The following VPS13B variants were observed in gnomAD, a reference collection of about 807,000 sequenced individuals.
The protein encoded by VPS13B is intermembrane lipid transfer protein VPS13B.
VPS13B carries 285 observed loss-of-function variants against 426.4 expected under a neutral mutation model. The observed-to-expected ratio is 0.67, with a 90% CI of 0.61 to 0.74. VPS13B has a LOEUF of 0.74. VPS13B is among the 30% of genes least tolerant of loss of function. The pLI, the probability that VPS13B is intolerant of heterozygous loss-of-function variation, is 0.00. For synonymous variants in VPS13B, 1,676 were observed against 1,676.4 expected (o/e 1.00, Z 0.01); for missense variants, 4,537 against 4,782.6 (o/e 0.95, Z 1.51).
At chr8:99,232,015 C>A (rs1430760298) in intron 17 of VPS13B, among the ~76,000 whole-genome samples, 1 of 152,134 alleles carries the variant, frequency 6.6e-6, no homozygotes, top group Non-Finnish European at 1.5e-5. Context: ...GACTCTTGTT[C>A]TTTTGAGTAA....
intron 36 of VPS13B, among the ~76,000 whole-genome samples, chr8:99,715,974 T>G (rs2130307796): frequency 6.6e-6 from 1 of 152,272 alleles, no homozygotes; most frequent in African/African-American, 2.4e-5. Context: ...TTCTTTTATT[T>G]TCTGGAGTGC....
At chr8:99,016,587 T>A in intron 2 of VPS13B, among the ~76,000 whole-genome samples, 2 of 94,218 alleles carry the variant, frequency 2.1e-5, no homozygotes, top group Admixed American at 1.5e-4. Context: ...ATAGGAATTC[T>A]TTTTTTTTTT....
At chr8:99,777,659 A>G (rs1811811063) in intron 41 of VPS13B, among the ~76,000 whole-genome samples, 1 of 152,174 alleles carries the variant, frequency 6.6e-6, no homozygotes, top group Non-Finnish European at 1.5e-5. Flanking sequence ...GATTCCAAAA[A>G]TACTTGGTAT....
At chr8:99,134,545 C>A in intron 8 of VPS13B, 87 bp from the exon 9 acceptor site, 1 of 1,109,112 alleles carries the variant, frequency 9.0e-7, no homozygotes, top group African/African-American at 1.6e-5. Context: ...TAAAATTGGC[C>A]TTGTTTTAAT....
rs1164479849 is a variant in VPS13B, at chr8:99,094,684, T to C, written c.292-1628T>C. Among the ~76,000 whole-genome samples, 5 of 152,212 alleles carry C rather than the reference T, an allele frequency of 3.3e-5. No individual in the cohort carries two copies. In the East Asian group the frequency reaches 9.6e-4, roughly 29 times the overall value. Reference sequence around the variant, plus strand: ...TTAGTGTGATAGTGAATAAAAGTTTTCTTAAAGAGGTCTTATTGTCGTTCT... The same window carrying C: ...TTAGTGTGATAGTGAATAAAAGTTTCCTTAAAGAGGTCTTATTGTCGTTCT... On this transcript the variant is annotated intron_variant, in intron 3 of 61. Transcript: ENST00000357162.
At chr8:99,628,228 A>G (rs1403809721) in intron 33 of VPS13B, among the ~76,000 whole-genome samples, 1 of 152,240 alleles carries the variant, frequency 6.6e-6, no homozygotes, top group Non-Finnish European at 1.5e-5. Context: ...GCAGTGCTCT[A>G]TCTCCAAGCC....
chr8:99,227,256 TAA>T lies in VPS13B; in HGVS notation c.2515+34202_2515+34203del, dbSNP rs1259770444. Among the ~76,000 whole-genome samples the T allele has an allele frequency of 2.0e-5, 3 of 152,336 alleles. No individual in the cohort carries two copies. In the East Asian group the frequency reaches 5.8e-4, roughly 29 times the overall value. On this transcript the variant is annotated intron_variant, in intron 17 of 61. Transcript: ENST00000357162. Reference sequence around the variant, plus strand: ...TACAAGGCACTGGGAACACATATAGTAAAAGTCTTCCCCTCCCTGTTTCTTTC... The same window carrying T: ...TACAAGGCACTGGGAACACATATAGTAAGTCTTCCCCTCCCTGTTTCTTTC...
chr8:99,821,284 A>G lies in VPS13B; in HGVS notation c.8995-10A>G. 1 of 1,613,250 alleles carries G rather than the reference A, an allele frequency of 6.2e-7. No homozygotes were observed. The highest frequency in any genetic ancestry group is 1.3e-5 in the African/African-American group (1 of 74,978). ...AAAATTACTTTATAATTGAGGCATTATTTTTCCAGGAAGCTTTTCAAATTG... is the reference window on the plus strand; with the variant it reads ...AAAATTACTTTATAATTGAGGCATTGTTTTTCCAGGAAGCTTTTCAAATTG... On this transcript the variant is annotated splice_polypyrimidine_tract_variant and intron_variant, in intron 49 of 61. Transcript: ENST00000357162.
At chr8:99,513,877 T>C (rs911260994) in intron 29 of VPS13B, among the ~76,000 whole-genome samples, 8 of 152,206 alleles carry the variant, frequency 5.3e-5, no homozygotes, top group African/African-American at 1.7e-4. Flanking sequence ...TATACACTGG[T>C]AAATCTTTCT....
rs6985183 is a variant in VPS13B at position 99,142,250 on chromosome 8, C to T, written c.1652-724C>T. On this transcript the variant is annotated intron_variant, in intron 12 of 61. Coordinates refer to ENST00000357162, the MANE Select transcript of VPS13B (RefSeq NM_152564.5). Reference sequence around the variant, plus strand: ...TAAGGTTATTAAATCCTGGAAAATTCTTTCTTCTTTTTGTCTGAATAAACA... The same window carrying T: ...TAAGGTTATTAAATCCTGGAAAATTTTTTCTTCTTTTTGTCTGAATAAACA... Among the ~76,000 whole-genome samples, 1,362 of 152,118 alleles carry T rather than the reference C, an allele frequency of 9.0e-3. 28 individuals are homozygous for T. Among genetic ancestry groups the T allele is most frequent in the African/African-American group, 0.032 (1,315 of 41,514 alleles).
intron 33 of VPS13B, among the ~76,000 whole-genome samples, chr8:99,586,881 G>C (rs1826328475): frequency 6.6e-6 from 1 of 152,072 alleles, no homozygotes; most frequent in Admixed American, 6.6e-5. Flanking sequence ...ACAACATGCA[G>C]GTTTCTTACA....
At chr8:99,187,007 TA>T (rs920650874) in intron 16 of VPS13B, among the ~76,000 whole-genome samples, 64 of 152,056 alleles carry the variant, frequency 4.2e-4, no homozygotes, top group African/African-American at 1.3e-3. Flanking sequence ...GACCTGCTTG[TA>T]AAAAAAATGA....
rs189095749 is a variant in VPS13B at position 99,513,728 on chromosome 8, C to T, written c.4633+2216C>T. 3.7e-3 allele frequency among the ~76,000 whole-genome samples: 567 copies of T among 152,252 alleles called. 3 individuals are homozygous for T. The highest frequency in any genetic ancestry group is 6.3e-3 in the Non-Finnish European group (425 of 67,998). ...AGTAACAAATTTAAATTTTAGAAGA[C>T]GAACCAAATGTGTATGATTCATTGC... On this transcript the variant is annotated intron_variant, in intron 29 of 61. Transcript: ENST00000357162.
intron 16 of VPS13B, among the ~76,000 whole-genome samples, chr8:99,176,293 C>T (rs1208529503): frequency 6.6e-6 from 1 of 152,112 alleles, no homozygotes; most frequent in Non-Finnish European, 1.5e-5. Context: ...TGTGCCACCA[C>T]ACCCAGCTAA....
chr8:99,329,456 A>G (rs1315848389), intron 19 of VPS13B, among the ~76,000 whole-genome samples: 1 of 152,128 alleles, frequency 6.6e-6, no homozygotes, highest in Non-Finnish European at 1.5e-5. Context: ...GGGAATGCAG[A>G]TCATAATTTT....
intron 17 of VPS13B, among the ~76,000 whole-genome samples, chr8:99,225,366 G>A (rs1288646039): frequency 6.6e-6 from 1 of 151,682 alleles, no homozygotes; most frequent in African/African-American, 2.4e-5. Flanking sequence ...TGCAAGGTTC[G>A]CCTCCCGGGT....
intron 54 of VPS13B, among the ~76,000 whole-genome samples, chr8:99,841,099 T>G (rs998702085): frequency 1.3e-5 from 2 of 152,214 alleles, no homozygotes; most frequent in Non-Finnish European, 2.9e-5. Context: ...TAAGATGTTT[T>G]TCAAGAAGTA....
In VPS13B at chr8:99,338,214, G is replaced by T. The variant is rs566712530; in HGVS notation, c.2825-45994G>T. Among the ~76,000 whole-genome samples the T allele has an allele frequency of 7.2e-5, 11 of 151,924 alleles. No homozygotes were observed. The South Asian group carries it at 1.7e-3, about 23-fold the overall frequency. ...TCTTTCTATATTTTATTATCAACTG[G>T]TCAGTTTCTATTAAAAACACCTGTT... On this transcript the variant is annotated intron_variant, in intron 19 of 61. Coordinates refer to ENST00000357162, the MANE Select transcript of VPS13B (RefSeq NM_152564.5).
At chr8:99,657,311 G>A (rs1322162906) in intron 34 of VPS13B, among the ~76,000 whole-genome samples, 1 of 152,116 alleles carries the variant, frequency 6.6e-6, no homozygotes, top group South Asian at 2.1e-4. Flanking sequence ...ACCTTGAGAG[G>A]AGGGCATCAA....
Sources: gnomAD v4.1 joint callset for allele counts (sites outside exome capture counted in the v4.1 genomes callset) on GRCh38, gnomAD v4.1.1 for gene constraint, MANE v1.5 for transcripts, NCBI Gene and HGNC (gene_info 2026-07-23, HGNC 2026-07-21) for gene names.